ASIC2: variants seen among roughly 807,000 people sequenced by gnomAD.
ASIC2 encodes the protein acid sensing ion channel subunit 2, also known as acid-sensing ion channel 2.
Under a neutral mutation model 57.3 loss-of-function variants are expected in ASIC2, and 25 were observed. The observed-to-expected ratio is 0.44, with a 90% CI of 0.32 to 0.61. The LOEUF (loss-of-function observed/expected upper bound fraction) is 0.61, where lower values mean the gene tolerates loss of function less well. Ranked by LOEUF, ASIC2 falls within the 20% of genes least tolerant of loss-of-function variation. The pLI is 0.06. For missense variants in ASIC2, 641 were observed against 738.1 expected (o/e 0.87, Z 1.52); for synonymous variants, 319 against 307.5 (o/e 1.04, Z -0.39).
chr17:33,608,074 A>G (rs181016746), intron 1 of ASIC2, among the ~76,000 whole-genome samples: 4 of 152,238 alleles, frequency 2.6e-5, no homozygotes, highest in South Asian at 4.2e-4. Flanking sequence ...AGGAAATACA[A>G]TCGGGCCAAG....
intron 1 of ASIC2, among the ~76,000 whole-genome samples, chr17:34,061,282 T>C (rs1374073966): frequency 6.6e-6 from 1 of 152,124 alleles, no homozygotes; most frequent in Admixed American, 6.6e-5. Context: ...ACAGTAATTT[T>C]CAGACAAAGA....
At chr17:33,167,190 C>A (rs1345583676) in intron 1 of ASIC2, among the ~76,000 whole-genome samples, 2 of 152,154 alleles carry the variant, frequency 1.3e-5, no homozygotes, top group African/African-American at 4.8e-5. Context: ...TCTGCACTTC[C>A]ACCATCACCA....
chr17:34,104,739 T>C (rs1910983893), intron 1 of ASIC2, among the ~76,000 whole-genome samples: 1 of 152,100 alleles, frequency 6.6e-6, no homozygotes, highest in Admixed American at 6.5e-5. Flanking sequence ...TTTTTAACTT[T>C]AATATATTAA....
intron 1 of ASIC2, among the ~76,000 whole-genome samples, chr17:33,752,210 A>G (rs1278687522): frequency 6.6e-6 from 1 of 152,136 alleles, no homozygotes; most frequent in Non-Finnish European, 1.5e-5. Flanking sequence ...TTTCAAACAG[A>G]AATTTAAAAA....
At chr17:33,946,486 A>G (rs1412730938) in intron 1 of ASIC2, among the ~76,000 whole-genome samples, 1 of 152,244 alleles carries the variant, frequency 6.6e-6, no homozygotes, top group Non-Finnish European at 1.5e-5. Context: ...AGACTTAGTC[A>G]TTGGTTCATT....
intron 1 of ASIC2, among the ~76,000 whole-genome samples, chr17:33,877,766 C>T (rs968448720): frequency 6.6e-6 from 1 of 152,210 alleles, no homozygotes; most frequent in Non-Finnish European, 1.5e-5. Context: ...AGTAGTGGTT[C>T]TCCCAGCACA....
chr17:33,337,501 A>G (rs1413839579), intron 1 of ASIC2, among the ~76,000 whole-genome samples: 1 of 152,200 alleles, frequency 6.6e-6, no homozygotes, highest in African/African-American at 2.4e-5. Context: ...CATTTCCTTT[A>G]CTTCTTTGAG....
chr17:33,469,227 C>T (rs1302861585), intron 1 of ASIC2, among the ~76,000 whole-genome samples: 5 of 152,170 alleles, frequency 3.3e-5, no homozygotes, highest in South Asian at 2.1e-4. Flanking sequence ...GGAGCAGCGT[C>T]GAGACCCATG....
At chr17:33,586,824 C>T (rs1351298335) in intron 1 of ASIC2, among the ~76,000 whole-genome samples, 1 of 152,174 alleles carries the variant, frequency 6.6e-6, no homozygotes, top group Non-Finnish European at 1.5e-5. Flanking sequence ...CCAGCATTTA[C>T]CACGATCTGC....
intron 1 of ASIC2, among the ~76,000 whole-genome samples, chr17:33,372,194 C>T (rs921530257): frequency 2.0e-5 from 3 of 151,942 alleles, no homozygotes; most frequent in Admixed American, 1.3e-4. Flanking sequence ...GGGCTGGGCT[C>T]TCAGGGGGAT....
Position 33,045,300 on chromosome 17 carries a change from T to C in ASIC2, c.988-16908A>G, listed in dbSNP as rs962775106. ...AAGAGCCGCCTCAGCAAGAAGAGTG[T>C]TTTCAGTGTGCCTGTGCATGCCGAC... On this transcript the variant is annotated intron_variant, in intron 3 of 9. Transcript: ENST00000225823. 1.1e-4 allele frequency among the ~76,000 whole-genome samples: 17 copies of C among 152,264 alleles called. 1 individual carries two copies. In the South Asian group the frequency reaches 3.5e-3, roughly 32 times the overall value.
chr17:33,158,141 G>T (rs1320630658), intron 1 of ASIC2, among the ~76,000 whole-genome samples: 1 of 152,142 alleles, frequency 6.6e-6, no homozygotes, highest in Non-Finnish European at 1.5e-5. Flanking sequence ...ATCACCATCT[G>T]GTATCCTACC....
chr17:33,037,488 G>A (rs945883571), intron 3 of ASIC2, among the ~76,000 whole-genome samples: 1 of 147,674 alleles, frequency 6.8e-6, no homozygotes, highest in Non-Finnish European at 1.5e-5. Flanking sequence ...CGTCTCTGAA[G>A]CCTCACACAC....
At chr17:33,608,303 C>T (rs949170373) in intron 1 of ASIC2, among the ~76,000 whole-genome samples, 2 of 152,164 alleles carry the variant, frequency 1.3e-5, no homozygotes, top group Non-Finnish European at 2.9e-5. Flanking sequence ...AGAATTATCT[C>T]CCCCAGTATG....
intron 1 of ASIC2, among the ~76,000 whole-genome samples, chr17:33,815,868 T>G (rs1912564757): frequency 6.6e-6 from 1 of 152,164 alleles, no homozygotes; most frequent in Non-Finnish European, 1.5e-5. Context: ...CGGTTATTTT[T>G]GAATTATTTA....
At chr17:33,501,749 C>T (rs1201284766) in intron 1 of ASIC2, among the ~76,000 whole-genome samples, 1 of 152,184 alleles carries the variant, frequency 6.6e-6, no homozygotes, top group African/African-American at 2.4e-5. Context: ...ATTCATGTGC[C>T]CAGGTAACTT....
At chr17:33,917,326 C>T (rs186407265) in intron 1 of ASIC2, among the ~76,000 whole-genome samples, 1 of 152,136 alleles carries the variant, frequency 6.6e-6, no homozygotes. Flanking sequence ...GCCATCTTCC[C>T]CAGAACCCTC....
At chr17:34,033,047 T>A (rs1232664582) in intron 1 of ASIC2, among the ~76,000 whole-genome samples, 1 of 152,134 alleles carries the variant, frequency 6.6e-6, no homozygotes, top group African/African-American at 2.4e-5. Context: ...CCACCCCAAA[T>A]CAACAGAATA....
intron 1 of ASIC2, among the ~76,000 whole-genome samples, chr17:33,146,006 A>C (rs1262404026): frequency 2.0e-5 from 3 of 152,240 alleles, no homozygotes; most frequent in Non-Finnish European, 4.4e-5. Flanking sequence ...CAGAATGAAT[A>C]GTGTCTTCAA....
Sources: allele counts gnomAD v4.1 joint callset (sites outside exome capture counted in the v4.1 genomes callset), GRCh38; gene constraint gnomAD v4.1.1; transcripts MANE v1.5; gene names NCBI Gene and HGNC (gene_info 2026-07-23, HGNC 2026-07-21).